DNAH12: variants seen among roughly 807,000 people sequenced by gnomAD.
The protein encoded by DNAH12 is axonemal beta dynein heavy chain 12.
DNAH12 carries 285 observed loss-of-function variants against 371.5 expected under a neutral mutation model. That is an observed-to-expected ratio of 0.77 (90% CI 0.70 to 0.85). The LOEUF is 0.85. Among genes scored for constraint, DNAH12 ranks in the 40% least tolerant of loss-of-function variants. The pLI is 0.00. For synonymous variants in DNAH12, 1,200 were observed against 1,213.0 expected (o/e 0.99, Z 0.22); for missense variants, 3,611 against 3,689.4 (o/e 0.98, Z 0.55).
At position 57,345,108 on chromosome 3, in the gene DNAH12, G is replaced by A. The variant is rs148724117; in HGVS notation, c.9674+6977C>T. 3.6e-3 allele frequency among the ~76,000 whole-genome samples: 550 copies of A among 151,976 alleles called. 5 individuals carry two copies. The highest frequency in any genetic ancestry group is 0.013 in the African/African-American group (525 of 41,448). The stretch of plus-strand genomic sequence containing the variant: ...AGTATACCAGAAAAATGTTATCAAG[G>A]AAATAATAAGAAAAATGCATTTACG... On this transcript the variant is annotated intron_variant, in intron 60 of 73. Coordinates refer to ENST00000495027, the MANE Select transcript of DNAH12 (RefSeq NM_001366028.2).
At chr3:57,322,247 T>C in intron 65 of DNAH12, 96 bp downstream of exon 65, 1 of 1,277,870 alleles carries the variant, frequency 7.8e-7, no homozygotes, top group Non-Finnish European at 1.0e-6. Flanking sequence ...AAACATTAAA[T>C]AAAAATGTTA....
chr3:57,532,044 T>C (rs1294149543), intron 2 of DNAH12, among the ~76,000 whole-genome samples: 1 of 152,154 alleles, frequency 6.6e-6, no homozygotes. Flanking sequence ...TTGTCTCCTT[T>C]ATGTATTTTC....
At chr3:57,312,909 T>G (rs1309252354) in intron 66 of DNAH12, among the ~76,000 whole-genome samples, 1 of 152,190 alleles carries the variant, frequency 6.6e-6, no homozygotes, top group Admixed American at 6.5e-5. Flanking sequence ...TCTATACAAA[T>G]TATGTGTTAA....
At position 57,323,622 on chromosome 3, in the gene DNAH12, G is replaced by A. The variant is rs911028852; in HGVS notation, c.9979-3C>T. ...TAGTTTGTTATAGCTGGGGTTATCT[G>A]TTGAAGAGAAAAGATATGATCTTTA... is the stretch of plus-strand genomic sequence containing the variant. On this transcript the variant is annotated splice_polypyrimidine_tract_variant and splice_region_variant and intron_variant, in intron 62 of 73. Coordinates refer to ENST00000495027, the MANE Select transcript of DNAH12 (RefSeq NM_001366028.2). 1.3e-6 allele frequency: 2 copies of A among 1,528,896 alleles called. No individual in the cohort carries two copies. Among genetic ancestry groups the A allele is most frequent in the Non-Finnish European group, 1.8e-6 (2 of 1,139,762 alleles). The allele number at this position is 1,528,896 out of a possible 1,614,324, so 94.7% of individuals were successfully genotyped here. A position where few individuals can be genotyped will look rare whatever the true frequency, so the allele number is the denominator to read the frequency against.
At chr3:57,393,763 G>T (rs1176984398) in intron 44 of DNAH12, among the ~76,000 whole-genome samples, 1 of 151,522 alleles carries the variant, frequency 6.6e-6, no homozygotes, top group Non-Finnish European at 1.5e-5. Flanking sequence ...ACTTTCAGAT[G>T]TATCAAACCC....
At chr3:57,442,009 T>A (rs4681985) in intron 29 of DNAH12, among the ~76,000 whole-genome samples, 104,460 of 151,976 alleles carry the variant, frequency 0.69, 36,048 homozygotes, top group South Asian at 0.8. Flanking sequence ...GGCAGCAGTC[T>A]ATGAAATAAC....
chr3:57,552,837 G>A, the DNAH12 span, among the ~76,000 whole-genome samples: 9 of 152,236 alleles, frequency 5.9e-5, no homozygotes, highest in African/African-American at 1.7e-4. Context: ...CTATTATGTT[G>A]CCACTGCACT....
Position 57,523,853 on chromosome 3 carries a change from TTCTG to T in DNAH12, c.198_201del (p.Asp66GlufsTer19). 6.2e-7 allele frequency: 1 copy of T among 1,606,016 alleles called. No homozygotes were observed. Among genetic ancestry groups the T allele is most frequent in the Non-Finnish European group, 8.5e-7 (1 of 1,176,920 alleles). On this transcript the variant is annotated frameshift_variant, in exon 3 of 74. Coordinates refer to ENST00000495027, the MANE Select transcript of DNAH12 (RefSeq NM_001366028.2). LOFTEE classifies it high-confidence loss of function. ...AATAGAGGTGTTCTTTTACCCAGTG[TTCTG>T]TCTAAATTTCTTTTGGCTCCATCAA...
Position 57,441,185 on chromosome 3 carries a change from T to C in DNAH12, c.4545+3512A>G, listed in dbSNP as rs140713884. Among the ~76,000 whole-genome samples, 1,039 of 151,988 alleles carry C rather than the reference T, an allele frequency of 6.8e-3. 7 individuals carry two copies. The highest frequency in any genetic ancestry group is 0.022 in the African/African-American group (913 of 41,432). On this transcript the variant is annotated intron_variant, in intron 29 of 73. Transcript: ENST00000495027. ...GATAGAAAAAATAGAGGAAAAAATA[T>C]AGAATTTTAGCAGAAAAGAGAACTC...
chr3:57,342,793 G>A (rs1559571565), intron 60 of DNAH12, among the ~76,000 whole-genome samples: 1 of 151,878 alleles, frequency 6.6e-6, no homozygotes, highest in East Asian at 1.9e-4. Flanking sequence ...GGCAAATGAG[G>A]CTAGCATGAT....
intron 25 of DNAH12, among the ~76,000 whole-genome samples, chr3:57,451,083 T>C (rs1369581846): frequency 6.6e-6 from 1 of 152,190 alleles, no homozygotes. Flanking sequence ...TGAAACCACA[T>C]CTTTGCTTAA....
At chr3:57,520,485 C>T (rs1217898091) in intron 4 of DNAH12, among the ~76,000 whole-genome samples, 1 of 150,776 alleles carries the variant, frequency 6.6e-6, no homozygotes, top group South Asian at 2.1e-4. Context: ...CTCTGTCACC[C>T]AGGCTGGAGT....
intron 4 of DNAH12, among the ~76,000 whole-genome samples, chr3:57,515,227 C>T (rs987431390): frequency 6.6e-6 from 1 of 152,140 alleles, no homozygotes; most frequent in Non-Finnish European, 1.5e-5. Flanking sequence ...ACACACATAT[C>T]ATGGTTTTTA....
rs372891308 is a variant in DNAH12 at position 57,445,994 on chromosome 3, A to AAAATAAAT, written c.4179+29_4179+36dup. 85 of 1,445,768 alleles carry AAAATAAAT rather than the reference A, an allele frequency of 5.9e-5. 1 individual carries two copies. The highest frequency in any genetic ancestry group is 8.7e-5 in the South Asian group (6 of 69,104). 89.6% of individuals were successfully genotyped at this position (1,445,768 alleles called of 1,614,324 possible). On this transcript the variant is annotated intron_variant, in intron 27 of 73. Coordinates refer to ENST00000495027, the MANE Select transcript of DNAH12 (RefSeq NM_001366028.2). ...TAGAGTAAGACTGTTTCAAAAACATAAAATAAATAAATAAATAAATAAATA... is the reference window on the plus strand; with the variant it reads ...TAGAGTAAGACTGTTTCAAAAACATAAAATAAATAAATAAATAAATAAATAAATAAATA...
In DNAH12 at chr3:57,518,252, C is replaced by T. The variant is rs939619918; in HGVS notation, c.279+5331G>A. On this transcript the variant is annotated intron_variant, in intron 4 of 73. Coordinates refer to ENST00000495027, the MANE Select transcript of DNAH12 (RefSeq NM_001366028.2). ...TTAAGAAGCAATTCCTGGCCGGGCA[C>T]GGTGGCTCACACCTGTAACCCCAGC... 2.6e-5 allele frequency among the ~76,000 whole-genome samples: 4 copies of T among 152,124 alleles called. 1 individual carries two copies. Among genetic ancestry groups the T allele is most frequent in the Admixed American group, 6.6e-5 (1 of 15,262 alleles).
intron 8 of DNAH12, 68 bp from the exon 9 acceptor site, chr3:57,504,272 G>A: frequency 7.4e-7 from 1 of 1,345,896 alleles, no homozygotes; most frequent in Non-Finnish European, 1.0e-6. Flanking sequence ...TCAGTAAACT[G>A]ATTATAATTG....
intron 33 of DNAH12, among the ~76,000 whole-genome samples, chr3:57,429,037 C>T (rs1458754505): frequency 1.3e-5 from 2 of 152,188 alleles, no homozygotes; most frequent in Non-Finnish European, 2.9e-5. Context: ...AACATTATCT[C>T]GATCTGGAAA....
intron 69 of DNAH12, among the ~76,000 whole-genome samples, chr3:57,307,773 CTG>C (rs941483026): frequency 5.3e-5 from 8 of 152,184 alleles, no homozygotes; most frequent in African/African-American, 1.9e-4. Context: ...ACCCCCATAA[CTG>C]TATCTCTCTG....
chr3:57,303,867 G>A (rs2061413845), intron 69 of DNAH12, among the ~76,000 whole-genome samples: 2 of 152,126 alleles, frequency 1.3e-5, no homozygotes, highest in African/African-American at 2.4e-5. Flanking sequence ...ACATCCAGAT[G>A]GCCTGAAGTA....
Sources: gnomAD v4.1 joint callset for allele counts (sites outside exome capture counted in the v4.1 genomes callset) on GRCh38, gnomAD v4.1.1 for gene constraint, MANE v1.5 for transcripts, NCBI Gene and HGNC (gene_info 2026-07-23, HGNC 2026-07-21) for gene names.